Variants in CFAP44 observed in about 807,000 individuals in gnomAD.
The protein encoded by CFAP44 is cilia- and flagella-associated protein 44.
Under a neutral mutation model 216.2 loss-of-function variants are expected in CFAP44, and 134 were observed. The observed-to-expected ratio is 0.62, with a 90% CI of 0.54 to 0.72. CFAP44 has a LOEUF of 0.72. Ranked by LOEUF, CFAP44 falls within the 30% of genes least tolerant of loss-of-function variation. CFAP44 has a pLI of 0.00. For missense variants in CFAP44, 2,035 were observed against 2,182.1 expected, an observed-to-expected ratio of 0.93 and a Z score of 1.34; for synonymous variants, 700 against 727.6, an observed-to-expected ratio of 0.96 and a Z score of 0.61.
At chr3:113,323,958 C>A (rs11924599) in intron 28 of CFAP44, among the ~76,000 whole-genome samples, 1 of 150,486 alleles carries the variant, frequency 6.6e-6, no homozygotes, top group Admixed American at 6.6e-5. Flanking sequence ...GCAGGAGAAT[C>A]GCTTGAACCT....
chr3:113,343,059 C>CTTTTTTTTTTTT (rs397990837), intron 23 of CFAP44, among the ~76,000 whole-genome samples: 29 of 106,764 alleles, frequency 2.7e-4, no homozygotes, highest in Non-Finnish European at 3.6e-4. Flanking sequence ...TTCTTTCTTT[C>CTTTTTTTTTTTT]TTTTTTTTTT....
At chr3:113,436,432 T>C (rs966624529) in intron 1 of CFAP44, among the ~76,000 whole-genome samples, 3 of 152,206 alleles carry the variant, frequency 2.0e-5, no homozygotes, top group African/African-American at 7.2e-5. Context: ...TTGCAGAGGA[T>C]ACAAAGGTGA....
At chr3:113,416,450 T>G (rs1335242286) in intron 6 of CFAP44, 75 bp downstream of exon 6, 1 of 1,195,914 alleles carries the variant, frequency 8.4e-7, no homozygotes, top group African/African-American at 1.5e-5. Flanking sequence ...CCTTGACTTA[T>G]GAAATAATGT....
Position 113,407,032 on chromosome 3 carries a change from T to G in CFAP44, c.900A>C (p.Glu300Asp), listed in dbSNP as rs1473078913. The G allele has an allele frequency of 1.2e-5, 20 of 1,613,810 alleles. No individual in the cohort carries two copies. Among genetic ancestry groups the G allele is most frequent in the Non-Finnish European group, 1.7e-5 (20 of 1,179,862 alleles). ...TGAGACCGGTGAACGTAAAAGCCAT[T>G]TCCCAGAACCTACAAACAAGAAAGA... is the stretch of plus-strand genomic sequence containing the variant. Reference protein sequence around the residue: ...TSGSGHIKFWEMAFTFTGLKL... With the variant: ...TSGSGHIKFWDMAFTFTGLKL... Residue 300 changes from glutamate (E) to aspartate (D), a missense_variant, in exon 8 of 35, where the codon GAA becomes GAC. Around this residue, in one of 3 missense-constraint regions of CFAP44, gnomAD observed 1,883 missense variants for 2,023.7 expected, o/e 0.93. Coordinates refer to ENST00000393845, the MANE Select transcript of CFAP44 (RefSeq NM_001164496.2).
chr3:113,365,519 A>G (rs1022141120), intron 19 of CFAP44, among the ~76,000 whole-genome samples: 1 of 152,170 alleles, frequency 6.6e-6, no homozygotes, highest in Non-Finnish European at 1.5e-5. Context: ...TGAACCCTCA[A>G]ACTTCATCAT....
At chr3:113,299,144 AATATTTGCAAATT>A (rs1486686229) in intron 32 of CFAP44, among the ~76,000 whole-genome samples, 3 of 152,210 alleles carry the variant, frequency 2.0e-5, no homozygotes, top group African/African-American at 7.2e-5. Context: ...AATGAGAGAA[AATATTTGCAAATT>A]ATTCATCTGA....
rs1182143129 is a variant in CFAP44 at position 113,330,408 on chromosome 3, G to A, written c.3876C>T (p.Pro1292=). 1.5e-5 allele frequency: 23 copies of A among 1,537,142 alleles called. No homozygotes were observed. The highest frequency in any genetic ancestry group is 6.8e-5 in the African/African-American group (5 of 73,014). Residue 1292 remains proline, a synonymous_variant, in exon 26 of 35, where the codon CCC becomes CCT. Transcript: ENST00000393845. The part of the protein sequence containing the change: ...QQMKSKDEKS[P]GVEQTGSGGP... ...CTCCAGACCCTGTCTGTTCCACTCC[G>A]GGGGACTTTTCATCTTTACTTTTCA...
chr3:113,346,470 A>G (rs1280893618), intron 22 of CFAP44, among the ~76,000 whole-genome samples: 10 of 147,844 alleles, frequency 6.8e-5, no homozygotes, highest in Non-Finnish European at 1.2e-4. Flanking sequence ...GATTGTAAGC[A>G]CACCAATCAG....
At chr3:113,377,818 A>G (rs1933393215) in intron 17 of CFAP44, among the ~76,000 whole-genome samples, 2 of 151,920 alleles carry the variant, frequency 1.3e-5, no homozygotes, top group South Asian at 4.2e-4. Flanking sequence ...ATGCCCGGCT[A>G]ATGTTTTGTA....
At chr3:113,295,759 A>T (rs1949873697) in intron 33 of CFAP44, among the ~76,000 whole-genome samples, 1 of 152,238 alleles carries the variant, frequency 6.6e-6, no homozygotes, top group Non-Finnish European at 1.5e-5. Context: ...TGTATCAGCC[A>T]AACAGTCTAT....
At chr3:113,366,432 A>C in intron 18 of CFAP44, 123 bp from the exon 19 acceptor site, 1 of 1,163,664 alleles carries the variant, frequency 8.6e-7, no homozygotes, top group Non-Finnish European at 1.2e-6. Flanking sequence ...TACACCCCTA[A>C]AATTCCTATA....
intron 22 of CFAP44, among the ~76,000 whole-genome samples, chr3:113,352,162 C>T (rs939106733): frequency 6.6e-6 from 1 of 152,158 alleles, no homozygotes; most frequent in Non-Finnish European, 1.5e-5. Context: ...CCAATCAGCG[C>T]TCTGTGTCTA....
At chr3:113,401,389 T>C (rs1330889199) in intron 10 of CFAP44, 102 bp from the exon 11 acceptor site, 3 of 1,227,418 alleles carry the variant, frequency 2.4e-6, no homozygotes, top group Admixed American at 5.4e-5. Context: ...AGCAATAATA[T>C]CAAAAGCTCA....
intron 15 of CFAP44, among the ~76,000 whole-genome samples, chr3:113,382,917 T>C (rs1044278028): frequency 7.9e-5 from 12 of 152,222 alleles, no homozygotes; most frequent in African/African-American, 2.9e-4. Context: ...ATGGTCACCA[T>C]GTGTGAAAGA....
In CFAP44 at chr3:113,401,402, T is replaced by A. The variant is rs184356176; in HGVS notation, c.1327-115A>T. On this transcript the variant is annotated intron_variant, in intron 10 of 34. Transcript: ENST00000393845. ...CAAGCAATAATATCAAAAGCTCACATATATTTTAAAGTATAATTGAAATTT... is the reference window on the plus strand; with the variant it reads ...CAAGCAATAATATCAAAAGCTCACAAATATTTTAAAGTATAATTGAAATTT... The A allele has an allele frequency of 8.3e-6, 10 of 1,203,110 alleles. No individual in the cohort carries two copies. In the Admixed American group the frequency reaches 2.3e-4, roughly 27 times the overall value. 74.5% of individuals were successfully genotyped at this position (1,203,110 alleles called of 1,614,324 possible).
chr3:113,329,982 G>A (rs756263549), intron 26 of CFAP44, among the ~76,000 whole-genome samples, 186 bp downstream of exon 26: 61 of 152,226 alleles, frequency 4.0e-4, no homozygotes, highest in Non-Finnish European at 8.4e-4. Flanking sequence ...GTTCTGGGAA[G>A]AGCACAGTGA....
At position 113,402,454 on chromosome 3, in the gene CFAP44, T is replaced by A. The variant is rs184954217; in HGVS notation, c.1171-715A>T. Among the ~76,000 whole-genome samples the A allele has an allele frequency of 1.5e-4, 23 of 152,298 alleles. 1 individual carries two copies. In the East Asian group the frequency reaches 3.7e-3, roughly 24 times the overall value. ...TTTTACCTCACGGTGGCAGGGAGGC[T>A]CAGCAGGACCTCCCCTGTGAGGGGC... On this transcript the variant is annotated intron_variant, in intron 9 of 34. Transcript: ENST00000393845.
intron 1 of CFAP44, among the ~76,000 whole-genome samples, chr3:113,441,146 C>G (rs1457020691): frequency 1.3e-5 from 2 of 152,126 alleles, no homozygotes; most frequent in African/African-American, 4.8e-5. Flanking sequence ...GCGGGGAGCC[C>G]CAGCACCTTC....
chr3:113,303,840 T>C, intron 32 of CFAP44, 76 bp downstream of exon 32: 1 of 1,459,970 alleles, frequency 6.8e-7, no homozygotes, highest in Non-Finnish European at 9.2e-7. Flanking sequence ...ATTTTCACAG[T>C]TGGAGACAGT....
Sources: allele counts gnomAD v4.1 joint callset (sites outside exome capture counted in the v4.1 genomes callset), GRCh38; gene constraint gnomAD v4.1.1; regional missense constraint gnomAD v4.1.1; transcripts MANE v1.5; gene names NCBI Gene and HGNC (gene_info 2026-07-23, HGNC 2026-07-21).